HAUS7: variants seen among roughly 807,000 people sequenced by gnomAD.
The protein encoded by HAUS7 is HAUS augmin like complex subunit 7.
Under a neutral mutation model 28.4 loss-of-function variants are expected in HAUS7, and 3 were observed. The ratio of observed to expected loss-of-function variants is 0.11; its 90% CI spans 0.05 to 0.27. The LOEUF (loss-of-function observed/expected upper bound fraction) is 0.27. HAUS7 is among the 10% of genes least tolerant of loss of function. HAUS7 has a pLI of 1.00. For missense variants in HAUS7, 284 were observed against 297.3 expected, an observed-to-expected ratio of 0.96 and a Z score of 0.33; for synonymous variants, 165 against 132.1, an observed-to-expected ratio of 1.25 and a Z score of -1.71.
chrX:153,454,567 C>T (rs921185281), intron 8 of HAUS7, 59 bp from the exon 9 acceptor site: 13 of 640,688 alleles, frequency 2.0e-5, no homozygotes, highest in Non-Finnish European at 3.0e-5. Context: ...CACTAAATGC[C>T]GCTGGTCTCA....
chrX:153,468,883 C>T (rs1417724822), intron 2 of HAUS7, among the ~76,000 whole-genome samples: 1 of 113,087 alleles, frequency 8.8e-6, no homozygotes, highest in Non-Finnish European at 1.9e-5. Context: ...GCAAGGCAAA[C>T]GCTGAGGGCA....
At chrX:153,480,803 C>G in intron 1 of HAUS7, 2 of 754,918 alleles carry the variant, frequency 2.6e-6, no homozygotes, top group South Asian at 1.3e-4. Flanking sequence ...AGGGCCTGGT[C>G]GCTGAGTGGG....
At chrX:153,454,981 AG>A (rs782477780) in intron 8 of HAUS7, 1 of 1,020,890 alleles carries the variant, frequency 9.8e-7, no homozygotes, top group African/African-American at 1.9e-5. Context: ...CCTTGAGCCA[AG>A]GGCAGAGTTG....
At chrX:153,473,749 G>A (rs1431444280), upstream of HAUS7, among the ~76,000 whole-genome samples, 4 of 112,312 alleles carry the variant, frequency 3.6e-5, no homozygotes, top group African/African-American at 1.3e-4. Flanking sequence ...CCGCAGGCAA[G>A]GCAAAGCCAG....
chrX:153,483,542 G>A (rs1173410742), intron 1 of HAUS7: 9 of 684,250 alleles, frequency 1.3e-5, no homozygotes, highest in Non-Finnish European at 1.6e-5. Context: ...GGAAGGCGGA[G>A]AGGGCAATGC....
intron 4 of HAUS7, among the ~76,000 whole-genome samples, chrX:153,460,560 T>TAAA (rs782215714): frequency 7.1e-5 from 7 of 98,009 alleles, no homozygotes; most frequent in African/African-American, 1.5e-4. Flanking sequence ...TTTTTTAAAT[T>TAAA]AAAAAAAAAA....
chrX:153,467,670 C>G (rs113555476), intron 2 of HAUS7, among the ~76,000 whole-genome samples: 9 of 112,683 alleles, frequency 8.0e-5, no homozygotes, highest in African/African-American at 2.9e-4. Context: ...CACTAAATAC[C>G]CAGCTCCTGA....
intron 1 of HAUS7, among the ~76,000 whole-genome samples, chrX:153,480,159 C>G (rs1175802274): frequency 3.6e-5 from 4 of 111,199 alleles, no homozygotes; most frequent in Non-Finnish European, 7.6e-5. Context: ...CTACCCCCCA[C>G]CCTTGGGACA....
Position 153,454,101 on chromosome X carries a change from C to T in HAUS7, c.1045+293G>A, listed in dbSNP as rs782357311. On this transcript the variant is annotated intron_variant, in intron 9 of 9. Coordinates refer to ENST00000370211, the MANE Select transcript of HAUS7 (RefSeq NM_001385482.1). ...GTGCTGGGATTACAGGCATGAGCCA[C>T]CGCGCCTGGCCCAAGTTACATTTTT... Among the ~76,000 whole-genome samples the T allele has an allele frequency of 3.6e-5, 4 of 112,262 alleles. No homozygotes were observed. In the South Asian group the frequency reaches 1.1e-3, roughly 31 times the overall value.
In HAUS7 at chrX:153,462,259, G is replaced by A. The variant is rs1556983535; in HGVS notation, c.354+351C>T. On this transcript the variant is annotated intron_variant, in intron 4 of 9. Coordinates refer to ENST00000370211, the MANE Select transcript of HAUS7 (RefSeq NM_001385482.1). Reference sequence around the variant, plus strand: ...TCGGGAGAAACTCTCGGGCCACAAGGGCTTGGGAGCCAGGCGCCGGGATGA... The same window carrying A: ...TCGGGAGAAACTCTCGGGCCACAAGAGCTTGGGAGCCAGGCGCCGGGATGA... 3 of 714,202 alleles carry A rather than the reference G, an allele frequency of 4.2e-6. No individual in the cohort carries two copies. The African/African-American group carries it at 7.0e-5, about 17-fold the overall frequency. 58.9% of individuals were successfully genotyped at this position (714,202 alleles called of 1,213,427 possible).
chrX:153,486,820 C>T, intron 1 of HAUS7: 1 of 980,828 alleles, frequency 1.0e-6, no homozygotes, highest in Non-Finnish European at 1.3e-6. Context: ...GTCCTGCCTG[C>T]CGCCTTCCTC....
At chrX:153,491,824 T>C (rs1377516695) in intron 1 of HAUS7, among the ~76,000 whole-genome samples, 3 of 112,930 alleles carry the variant, frequency 2.7e-5, no homozygotes, top group Non-Finnish European at 5.6e-5. Flanking sequence ...AGAGCTGAGC[T>C]CTCGGCTCCA....
At chrX:153,484,671 A>G (rs1427246591) in intron 1 of HAUS7, among the ~76,000 whole-genome samples, 3 of 112,672 alleles carry the variant, frequency 2.7e-5, no homozygotes, top group African/African-American at 9.7e-5. Flanking sequence ...GGAAAAAGTT[A>G]CCAGGACGTT....
At chrX:153,483,863 G>A (rs1350470200) in intron 1 of HAUS7, among the ~76,000 whole-genome samples, 2 of 112,014 alleles carry the variant, frequency 1.8e-5, no homozygotes, top group Middle Eastern at 4.6e-3. Flanking sequence ...GAGCTGGCCC[G>A]ACGATGGGTG....
chrX:153,456,780 C>A, intron 5 of HAUS7, 129 bp from the exon 6 acceptor site: 1 of 534,927 alleles, frequency 1.9e-6, no homozygotes, highest in Non-Finnish European at 3.0e-6. Context: ...AGCCCCACCG[C>A]GCAGAATCCT....
intron 4 of HAUS7, chrX:153,462,175 A>G: frequency 9.8e-7 from 1 of 1,017,416 alleles, no homozygotes. Flanking sequence ...TTCAAAATTT[A>G]GAAACGAGAA....
At chrX:153,466,830 G>A (rs782279435) in intron 2 of HAUS7, among the ~76,000 whole-genome samples, 2 of 112,501 alleles carry the variant, frequency 1.8e-5, no homozygotes, top group African/African-American at 6.5e-5. Flanking sequence ...TCGCCGATAT[G>A]ACGCTCAAAG....
intron 2 of HAUS7, among the ~76,000 whole-genome samples, chrX:153,465,463 G>A (rs1015489799): frequency 2.5e-4 from 28 of 111,822 alleles, no homozygotes; most frequent in Non-Finnish European, 1.5e-4. Flanking sequence ...CGCCTGGGTC[G>A]GCATCAACTG....
rs1427667453 is a variant in HAUS7 at position 153,464,968 on chromosome X, T to C, written c.292+20A>G. The C allele has an allele frequency of 9.0e-7, 1 of 1,115,555 alleles. No individual in the cohort carries two copies. Among genetic ancestry groups the C allele is most frequent in the African/African-American group, 1.8e-5 (1 of 55,498 alleles). 91.9% of individuals were successfully genotyped at this position (1,115,555 alleles called of 1,213,427 possible). A position where few individuals can be genotyped will look rare whatever the true frequency, so the allele number is the denominator to read the frequency against. On this transcript the variant is annotated intron_variant, in intron 3 of 9. Coordinates refer to ENST00000370211, the MANE Select transcript of HAUS7 (RefSeq NM_001385482.1). ...AAGGAGGCTGTGGACAAGCTCAGAA[T>C]GGACCAAGATTCCACCTACCTTGGA... is the stretch of plus-strand genomic sequence containing the variant.
Sources: gnomAD v4.1 joint callset for allele counts (sites outside exome capture counted in the v4.1 genomes callset) on GRCh38, gnomAD v4.1.1 for gene constraint, MANE v1.5 for transcripts, NCBI Gene and HGNC (gene_info 2026-07-23, HGNC 2026-07-21) for gene names.